The following CHUK variants were observed in gnomAD, a reference collection of about 807,000 sequenced individuals.
The protein encoded by CHUK is component of inhibitor of nuclear factor kappa B kinase complex.
In CHUK, 35 loss-of-function variants were observed where a neutral mutation model predicts 104.8. The ratio of observed to expected loss-of-function variants is 0.33; its 90% CI spans 0.26 to 0.44. CHUK has a LOEUF of 0.44. Ranked by LOEUF, CHUK falls within the 20% of genes least tolerant of loss-of-function variation. CHUK has a pLI of 1.00. For synonymous variants in CHUK, 276 were observed against 291.9 expected (o/e 0.95, Z 0.56); for missense variants, 663 against 902.7 (o/e 0.73, Z 3.40).
At chr10:100,228,993 G>GCACACACACA (rs59218517) in intron 1 of CHUK, among the ~76,000 whole-genome samples, 4,113 of 133,448 alleles carry the variant, frequency 0.031, 93 homozygotes, top group East Asian at 0.049. Flanking sequence ...GCGCGCGCGC[G>GCACACACACA]CACACACACA....
In CHUK at chr10:100,227,547, C is replaced by CT. The variant is rs760365883; in HGVS notation, c.106-1531dup. On this transcript the variant is annotated intron_variant, in intron 1 of 20. Transcript: ENST00000370397. Reference sequence around the variant, plus strand: ...TGCCACTGGAAGCACTTGGCTCCCACTTTTTTTTTTTTTTAGTGTGTTATG... The same window carrying CT: ...TGCCACTGGAAGCACTTGGCTCCCACTTTTTTTTTTTTTTTAGTGTGTTATG... 2.3e-3 allele frequency among the ~76,000 whole-genome samples: 332 copies of CT among 143,206 alleles called. 2 individuals carry two copies. The highest frequency in any genetic ancestry group is 7.2e-3 in the Middle Eastern group (2 of 276). 93.9% of individuals were successfully genotyped at this position (143,206 alleles called of 152,430 possible).
chr10:100,219,980 C>G (rs1845948102), intron 5 of CHUK, among the ~76,000 whole-genome samples: 1 of 152,144 alleles, frequency 6.6e-6, no homozygotes, highest in Non-Finnish European at 1.5e-5. Context: ...ACACACAACT[C>G]AACACAAGGT....
At chr10:100,225,385 A>G (rs1277803496) in intron 2 of CHUK, among the ~76,000 whole-genome samples, 1 of 152,226 alleles carries the variant, frequency 6.6e-6, no homozygotes, top group Non-Finnish European at 1.5e-5. Flanking sequence ...TTCATTTAGC[A>G]TAATGTCCAC....
intron 19 of CHUK, chr10:100,193,001 A>G (rs1229129288): frequency 1.8e-5 from 7 of 394,486 alleles, no homozygotes; most frequent in Non-Finnish European, 3.3e-5. Context: ...GACTTAGCTA[A>G]TAATAAGCAA....
At chr10:100,214,862 A>G (rs576624777) in intron 9 of CHUK, among the ~76,000 whole-genome samples, 16 of 152,382 alleles carry the variant, frequency 1.0e-4, no homozygotes, top group Non-Finnish European at 1.9e-4. Context: ...AGAAAGGAAG[A>G]GTCAACACAT....
At chr10:100,193,181 G>T in intron 19 of CHUK, 117 bp downstream of exon 19, 2 of 1,095,680 alleles carry the variant, frequency 1.8e-6, no homozygotes, top group Non-Finnish European at 2.8e-6. Context: ...ATTACAAAGG[G>T]ATAGTCAGGA....
intron 15 of CHUK, among the ~76,000 whole-genome samples, chr10:100,200,282 G>A (rs1417997949): frequency 6.6e-6 from 1 of 152,086 alleles, no homozygotes; most frequent in African/African-American, 2.4e-5. Flanking sequence ...CAAAAATTAT[G>A]ACCTATAATT....
intron 9 of CHUK, among the ~76,000 whole-genome samples, chr10:100,216,439 C>T (rs756605691): frequency 6.6e-6 from 1 of 152,150 alleles, no homozygotes; most frequent in African/African-American, 2.4e-5. Flanking sequence ...CACAGTAGCC[C>T]ACATCTGTAA....
At position 100,207,455 on chromosome 10, in the gene CHUK, C is replaced by G. The variant is rs7909855; in HGVS notation, c.1129-123G>C. 326,552 of 649,016 alleles carry G rather than the reference C, an allele frequency of 0.5. 84,414 individuals are homozygous for G. Among genetic ancestry groups the G allele is most frequent in the African/African-American group, 0.72 (39,837 of 55,480 alleles). 40.2% of individuals were successfully genotyped at this position (649,016 alleles called of 1,614,324 possible). A position where few individuals can be genotyped will look rare whatever the true frequency, so the allele number is the denominator to read the frequency against. ...AAATGAACAAAATCAATGTGTATTA[C>G]CATATCTCTTACAGATAACAGAGTC... On this transcript the variant is annotated intron_variant, in intron 10 of 20. Transcript: ENST00000370397.
intron 14 of CHUK, among the ~76,000 whole-genome samples, chr10:100,201,633 T>A (rs17882746): frequency 0.057 from 8,739 of 152,206 alleles, 396 homozygotes; most frequent in African/African-American, 0.11. Context: ...GGTGGGAGGA[T>A]TGCTTAAGCC....
chr10:100,202,924 T>C (rs1483970803), intron 13 of CHUK, among the ~76,000 whole-genome samples: 1 of 152,038 alleles, frequency 6.6e-6, no homozygotes, highest in Admixed American at 6.6e-5. Context: ...GCCCGGCTAA[T>C]TTTTACATTT....
chr10:100,211,407 T>C lies in CHUK; in HGVS notation c.934-1618A>G, dbSNP rs191463913. On this transcript the variant is annotated intron_variant, in intron 9 of 20. Coordinates refer to ENST00000370397, the MANE Select transcript of CHUK (RefSeq NM_001278.5). ...TAATATATCTGTCACCTCTTCATAG[T>C]TGTCATTTTTGTACCTTTTTTTTCT... 4.1e-4 allele frequency among the ~76,000 whole-genome samples: 63 copies of C among 152,330 alleles called. No homozygotes were observed. In the East Asian group the frequency reaches 0.011, roughly 27 times the overall value.
At chr10:100,220,511 C>T in intron 5 of CHUK, 77 bp downstream of exon 5, 1 of 997,782 alleles carries the variant, frequency 1.0e-6, no homozygotes, top group Non-Finnish European at 1.6e-6. Context: ...ACAGCAAAGA[C>T]ACCAAAGCTC....
rs1336380340 is a variant in CHUK, at chr10:100,219,358, A to G, written c.476T>C (p.Ile159Thr). Residue 159 changes from isoleucine (I) to threonine (T), a missense_variant and splice_region_variant, in exon 6 of 21, where the codon ATA becomes ACA. By Grantham distance (89) the Ile-to-Thr change is moderately conservative (BLOSUM62 -1). This residue lies in a region of CHUK where 200 missense variants were observed against 333.0 expected (regional missense o/e 0.60). Coordinates refer to ENST00000370397, the MANE Select transcript of CHUK (RefSeq NM_001278.5). ...NIVLQDVGGK[I>T]IHKIIDLGYA... is the part of the protein sequence containing the mutation. The stretch of plus-strand genomic sequence containing the variant: ...TCCCAGATCAATTATTTTATGTATT[A>G]TCTGCAAAATAATAAGACAGATTAA... 9.6e-6 allele frequency: 14 copies of G among 1,463,620 alleles called. No homozygotes were observed. Among genetic ancestry groups the G allele is most frequent in the Non-Finnish European group, 1.3e-5 (14 of 1,043,254 alleles). 90.7% of individuals were successfully genotyped at this position (1,463,620 alleles called of 1,614,324 possible).
At chr10:100,210,087 A>AT (rs1554897567) in intron 9 of CHUK, among the ~76,000 whole-genome samples, 237 of 129,446 alleles carry the variant, frequency 1.8e-3, no homozygotes, top group African/African-American at 5.5e-3. Flanking sequence ...TTATTTATTT[A>AT]TTTATTTTTT....
intron 11 of CHUK, 139 bp from the exon 12 acceptor site, chr10:100,205,338 C>A (rs1474233742): frequency 2.3e-6 from 2 of 886,618 alleles, no homozygotes; most frequent in Non-Finnish European, 3.7e-6. Flanking sequence ...GCTAAAAGAA[C>A]CACTTGTTTC....
intron 13 of CHUK, among the ~76,000 whole-genome samples, chr10:100,202,963 T>C (rs1845505507): frequency 6.6e-6 from 1 of 152,204 alleles, no homozygotes; most frequent in South Asian, 2.1e-4. Context: ...TACCCCATGT[T>C]GCCCAGGTTA....
At chr10:100,215,277 A>G (rs1845829774) in intron 9 of CHUK, among the ~76,000 whole-genome samples, 1 of 151,670 alleles carries the variant, frequency 6.6e-6, no homozygotes, top group African/African-American at 2.4e-5. Context: ...TTCAGTTTTT[A>G]ATAAATTAAG....
chr10:100,194,997 CTT>C (rs914388266), intron 16 of CHUK: 36 of 154,188 alleles, frequency 2.3e-4, no homozygotes, highest in African/African-American at 7.2e-4. Context: ...CCCAGAAAAA[CTT>C]TGAAAAAAGC....
Sources: gnomAD v4.1 joint callset for allele counts (sites outside exome capture counted in the v4.1 genomes callset) on GRCh38, gnomAD v4.1.1 for gene constraint, gnomAD v4.1.1 regional missense constraint, MANE v1.5 for transcripts, NCBI Gene and HGNC (gene_info 2026-07-23, HGNC 2026-07-21) for gene names.